TSPAN7: variants seen among roughly 807,000 people sequenced by gnomAD.
TSPAN7 encodes the protein tetraspanin-7.
Under a neutral mutation model 17.6 loss-of-function variants are expected in TSPAN7, and 1 was observed. The observed-to-expected ratio is 0.06, with a 90% CI of 0.02 to 0.27. TSPAN7 has a LOEUF of 0.27. TSPAN7 is among the 10% of genes least tolerant of loss of function. TSPAN7 has a pLI of 1.00. For missense variants in TSPAN7, 112 were observed against 201.7 expected (o/e 0.56, Z 2.69); for synonymous variants, 78 against 79.0 (o/e 0.99, Z 0.07).
chrX:38,683,326 A>T (rs778062785), intron 6 of TSPAN7, among the ~76,000 whole-genome samples: 1 of 112,823 alleles, frequency 8.9e-6, no homozygotes, highest in Non-Finnish European at 1.9e-5. Flanking sequence ...GATTAGACAA[A>T]TAATTATCTG....
At chrX:38,603,629 CA>C (rs1178357475) in intron 1 of TSPAN7, among the ~76,000 whole-genome samples, 1 of 110,826 alleles carries the variant, frequency 9.0e-6, no homozygotes, top group Non-Finnish European at 1.9e-5. Context: ...GAGCCAGTCA[CA>C]AAAGATCACA....
intron 1 of TSPAN7, among the ~76,000 whole-genome samples, chrX:38,650,179 T>C (rs1602113247): frequency 8.9e-6 from 1 of 112,028 alleles, no homozygotes; most frequent in African/African-American, 3.2e-5. Context: ...TCCCAGGAAG[T>C]GCCAGCGGCT....
At chrX:38,638,849 T>C (rs1409251499) in intron 1 of TSPAN7, among the ~76,000 whole-genome samples, 1 of 100,457 alleles carries the variant, frequency 1.0e-5, no homozygotes, top group Non-Finnish European at 2.0e-5. Context: ...TATGATGCTC[T>C]GTAAGCATTT....
Position 38,629,765 on chromosome X carries a change from C to T in TSPAN7, c.82-36356C>T, listed in dbSNP as rs186564726. On this transcript the variant is annotated intron_variant, in intron 1 of 7. Transcript: ENST00000378482. ...TACAGGCATTTGGCCTTCTCCTGGG[C>T]TTTTTAGAAAAAAAGTCTGGGGAAA... Among the ~76,000 whole-genome samples, 30 of 111,694 alleles carry T rather than the reference C, an allele frequency of 2.7e-4. No homozygotes were observed. The East Asian group carries it at 7.0e-3, about 26-fold the overall frequency.
At chrX:38,582,595 G>A (rs1423936677) in intron 1 of TSPAN7, among the ~76,000 whole-genome samples, 3 of 111,632 alleles carry the variant, frequency 2.7e-5, no homozygotes, top group Non-Finnish European at 5.6e-5. Context: ...GTAAAGGTTT[G>A]ACTAATAAGG....
intron 1 of TSPAN7, among the ~76,000 whole-genome samples, chrX:38,577,583 A>G (rs1003132569): frequency 3.0e-5 from 3 of 99,608 alleles, no homozygotes; most frequent in Non-Finnish European, 6.0e-5. Flanking sequence ...CAAACACCGC[A>G]TGCTCTCACT....
chrX:38,685,042 A>C (rs1255880180), intron 6 of TSPAN7, among the ~76,000 whole-genome samples: 3 of 111,466 alleles, frequency 2.7e-5, no homozygotes, highest in African/African-American at 9.8e-5. Context: ...CCATTTTCTA[A>C]CCCTCACCCT....
At chrX:38,636,444 A>G (rs1479083562) in intron 1 of TSPAN7, among the ~76,000 whole-genome samples, 4 of 112,168 alleles carry the variant, frequency 3.6e-5, no homozygotes, top group Admixed American at 1.9e-4. Flanking sequence ...GAGACTGCTA[A>G]GCAAATCCCC....
At chrX:38,619,240 C>A (rs774216984) in intron 1 of TSPAN7, among the ~76,000 whole-genome samples, 2 of 110,808 alleles carry the variant, frequency 1.8e-5, no homozygotes, top group Non-Finnish European at 3.8e-5. Flanking sequence ...CACACCAGGG[C>A]CCCCATTGCA....
chrX:38,572,945 G>A (rs1169961320), intron 1 of TSPAN7, among the ~76,000 whole-genome samples: 4 of 111,215 alleles, frequency 3.6e-5, no homozygotes, highest in East Asian at 2.8e-4. Context: ...GTGAAGTCTC[G>A]GCTAGTACCT....
chrX:38,592,168 CCT>C (rs754467920), intron 1 of TSPAN7, among the ~76,000 whole-genome samples: 3 of 111,505 alleles, frequency 2.7e-5, no homozygotes, highest in Non-Finnish European at 5.7e-5. Flanking sequence ...CCAGTCACCC[CCT>C]GTCAGGCCCC....
At chrX:38,678,826 C>T (rs1475177180) in intron 5 of TSPAN7, among the ~76,000 whole-genome samples, 1 of 111,851 alleles carries the variant, frequency 8.9e-6, no homozygotes, top group Non-Finnish European at 1.9e-5. Flanking sequence ...TAGAAGAGTG[C>T]TTCTCACCTT....
chrX:38,649,829 G>T (rs933697873), intron 1 of TSPAN7, among the ~76,000 whole-genome samples: 1 of 111,992 alleles, frequency 8.9e-6, no homozygotes, highest in African/African-American at 3.3e-5. Flanking sequence ...TTAATCTGTG[G>T]GTTGCCCGGC....
intron 1 of TSPAN7, among the ~76,000 whole-genome samples, chrX:38,664,505 T>C (rs938200702): frequency 5.4e-5 from 6 of 111,934 alleles, no homozygotes; most frequent in African/African-American, 2.0e-4. Flanking sequence ...AGCAGAGGAC[T>C]TAGAACTCTT....
At chrX:38,616,723 G>A (rs1015436830) in intron 1 of TSPAN7, among the ~76,000 whole-genome samples, 2 of 111,780 alleles carry the variant, frequency 1.8e-5, no homozygotes, top group African/African-American at 6.5e-5. Flanking sequence ...CTGAATGGAT[G>A]TATGAAGCAC....
intron 1 of TSPAN7, among the ~76,000 whole-genome samples, chrX:38,605,977 T>A (rs1203497598): frequency 1.9e-5 from 2 of 105,334 alleles, no homozygotes; most frequent in African/African-American, 3.5e-5. Flanking sequence ...AACCTAGGCA[T>A]TACCATTCAG....
At chrX:38,648,380 A>G (rs778998521) in intron 1 of TSPAN7, among the ~76,000 whole-genome samples, 1 of 112,031 alleles carries the variant, frequency 8.9e-6, no homozygotes, top group African/African-American at 3.2e-5. Context: ...GTCCCCTCCT[A>G]TTATTCCTGA....
At chrX:38,638,356 G>A (rs774865564) in intron 1 of TSPAN7, among the ~76,000 whole-genome samples, 1 of 112,423 alleles carries the variant, frequency 8.9e-6, no homozygotes, top group South Asian at 3.7e-4. Flanking sequence ...GGGTTACAAA[G>A]ATCATCTTAG....
chrX:38,623,927 G>C (rs5917213), intron 1 of TSPAN7, among the ~76,000 whole-genome samples: 9,218 of 72,829 alleles, frequency 0.13, 1,087 homozygotes, highest in African/African-American at 0.36. Context: ...GCCTTTGGTA[G>C]AGTCACAAGG....
Sources: allele counts gnomAD v4.1 joint callset (sites outside exome capture counted in the v4.1 genomes callset), GRCh38; gene constraint gnomAD v4.1.1; transcripts MANE v1.5; gene names NCBI Gene and HGNC (gene_info 2026-07-23, HGNC 2026-07-21).